Variants in PPP1R3F observed in about 807,000 individuals in gnomAD.
PPP1R3F encodes the protein protein phosphatase 1, regulatory (inhibitor) subunit 3F.
A neutral mutation model predicts 24.2 loss-of-function variants in PPP1R3F; 29 were observed. That is an observed-to-expected ratio of 1.20 (90% CI 0.89 to 1.63). PPP1R3F has a LOEUF of 1.63. PPP1R3F is among the 40% of genes most tolerant of loss of function. The pLI, the probability that PPP1R3F is intolerant of heterozygous loss-of-function variation, is 0.00. For synonymous variants in PPP1R3F, 363 were observed against 340.1 expected (o/e 1.07, Z -0.74); for missense variants, 823 against 729.3 (o/e 1.13, Z -1.48).
intron 3 of PPP1R3F, among the ~76,000 whole-genome samples, chrX:49,283,157 G>A (rs2066260457): frequency 9.0e-6 from 1 of 111,026 alleles, no homozygotes; most frequent in African/African-American, 3.3e-5. Context: ...TCTGTACCCC[G>A]TCTCCTCCCT....
At chrX:49,285,396 A>G (rs1313901857) in intron 3 of PPP1R3F, among the ~76,000 whole-genome samples, 1 of 110,904 alleles carries the variant, frequency 9.0e-6, no homozygotes, top group Admixed American at 9.6e-5. Context: ...GGGTTTCACC[A>G]TGTTGGCCAG....
In PPP1R3F at chrX:49,286,230, G is replaced by A; in HGVS notation, c.1540G>A (p.Gly514Ser). Residue 514 changes from glycine (G) to serine (S), a missense_variant, in exon 4 of 4, where the codon GGC becomes AGC. Transcript: ENST00000055335. ...AAGGAGGGGE[G>S]STDGGMSPSH... ...GGGTGGGGCAGGGGGTGGTGGGGAG[G>A]GCTCCACAGATGGAGGGATGTCCCC... is the stretch of plus-strand genomic sequence containing the variant. The A allele has an allele frequency of 8.3e-7, 1 of 1,209,578 alleles. No individual in the cohort carries two copies. The highest frequency in any genetic ancestry group is 1.1e-6 in the Non-Finnish European group (1 of 894,726).
intron 3 of PPP1R3F, among the ~76,000 whole-genome samples, chrX:49,284,836 G>A (rs1454413336): frequency 9.0e-6 from 1 of 111,425 alleles, no homozygotes; most frequent in Admixed American, 9.5e-5. Flanking sequence ...TCTTTAAGGA[G>A]CACTGATTCC....
intron 1 of PPP1R3F, among the ~76,000 whole-genome samples, chrX:49,277,592 G>A (rs180928731): frequency 8.9e-6 from 1 of 112,360 alleles, no homozygotes; most frequent in East Asian, 2.8e-4. Flanking sequence ...CTCTGTTACC[G>A]ATCAGTGAGT....
At position 49,270,314 on chromosome X, in the gene PPP1R3F, C is replaced by T; in HGVS notation, c.445C>T (p.Pro149Ser). The T allele has an allele frequency of 1.8e-6, 2 of 1,126,248 alleles. No homozygotes were observed. The highest frequency in any genetic ancestry group is 2.3e-6 in the Non-Finnish European group (2 of 859,345). 92.8% of individuals were successfully genotyped at this position (1,126,248 alleles called of 1,213,427 possible). A position where few individuals can be genotyped will look rare whatever the true frequency, so the allele number is the denominator to read the frequency against. Reference protein sequence around the residue: ...EALLPPPGAVPGGAGVWVPGG... With the variant: ...EALLPPPGAVSGGAGVWVPGG... ...GCTGCTGCCGCCTCCCGGAGCGGTC[C>T]CCGGGGGTGCCGGGGTGTGGGTGCC... The change falls in exon 1 of 4, where the codon CCC becomes TCC. Residue 149 changes from proline to serine, a missense_variant. Transcript: ENST00000055335.
chrX:49,277,280 G>T (rs1466306154), intron 1 of PPP1R3F, among the ~76,000 whole-genome samples: 1 of 112,660 alleles, frequency 8.9e-6, no homozygotes, highest in Non-Finnish European at 1.9e-5. Context: ...GGCAGCCATT[G>T]TGTTTCCTGA....
At chrX:49,271,828 G>GT (rs1415422336) in intron 1 of PPP1R3F, among the ~76,000 whole-genome samples, 1 of 112,654 alleles carries the variant, frequency 8.9e-6, no homozygotes, top group African/African-American at 3.2e-5. Flanking sequence ...TTTGTCCCTT[G>GT]TTTTTTTGCC....
Position 49,270,584 on chromosome X carries a change from C to G in PPP1R3F, c.715C>G (p.Arg239Gly). 4 of 1,202,616 alleles carry G rather than the reference C, an allele frequency of 3.3e-6. No homozygotes were observed. Among genetic ancestry groups the G allele is most frequent in the Non-Finnish European group, 4.5e-6 (4 of 893,814 alleles). The change falls in exon 1 of 4, where the codon CGC becomes GGC. Residue 239 changes from arginine (R) to glycine (G), a missense_variant. Physicochemically the swap from Arg to Gly is moderately radical, Grantham distance 125 (BLOSUM62 -2). Coordinates refer to ENST00000055335, the MANE Select transcript of PPP1R3F (RefSeq NM_033215.5). ...ASASSPDDGG[R>G]TDRFAFQLPF... ...CGCCTCCTCGCCCGACGACGGCGGCCGCACCGACCGCTTTGCCTTCCAGCT... is the reference window on the plus strand; with the variant it reads ...CGCCTCCTCGCCCGACGACGGCGGCGGCACCGACCGCTTTGCCTTCCAGCT...
At chrX:49,292,209 G>C (rs1465515574), downstream of PPP1R3F, among the ~76,000 whole-genome samples, 1 of 111,643 alleles carries the variant, frequency 9.0e-6, no homozygotes, top group Admixed American at 9.5e-5. Flanking sequence ...TCTGCATGTG[G>C]ACAGGTGGGG....
rs2066251833 is a variant in PPP1R3F, at chrX:49,281,996, T to A, written c.1076T>A (p.Val359Asp). 1.7e-6 allele frequency: 2 copies of A among 1,205,752 alleles called. No individual in the cohort carries two copies. The highest frequency in any genetic ancestry group is 3.5e-5 in the African/African-American group (2 of 57,159). Residue 359 changes from valine to aspartate, a missense_variant, in exon 3 of 4, where the codon GTC becomes GAC. Transcript: ENST00000055335. ...TTCCCTCTAGCAGAGCATCCTGATG[T>A]CCAGGAGTCAGTGGGTCCACTGGTA... ...NTFAMAEHPD[V>D]QESVGPLVAP...
intron 1 of PPP1R3F, among the ~76,000 whole-genome samples, chrX:49,271,664 C>T: frequency 8.9e-6 from 1 of 112,992 alleles, no homozygotes; most frequent in Middle Eastern, 4.6e-3. Flanking sequence ...TCTTCCAGTT[C>T]ACCCATGCCT....
At chrX:49,291,339 T>C (rs868929315), downstream of PPP1R3F, among the ~76,000 whole-genome samples, 36 of 104,769 alleles carry the variant, frequency 3.4e-4, no homozygotes, top group Non-Finnish European at 4.5e-4. Flanking sequence ...TCTCTCTCCT[T>C]TCTTTCTTGA....
chrX:49,287,213 T>G lies in PPP1R3F; in HGVS notation c.*123T>G. On this transcript the variant is annotated 3_prime_UTR_variant, in exon 4 of 4. Transcript: ENST00000055335. ...GAGAGGCCTTCTCATCCCCAAGCTC[T>G]CCAGTCAACACAGGGCTCCCTGTGG... 1.4e-6 allele frequency: 1 copy of G among 701,783 alleles called. No homozygotes were observed. Among genetic ancestry groups the G allele is most frequent in the Non-Finnish European group, 2.1e-6 (1 of 480,217 alleles). The allele number at this position is 701,783 out of a possible 1,213,427, so 57.8% of individuals were successfully genotyped here.
intron 1 of PPP1R3F, among the ~76,000 whole-genome samples, chrX:49,272,460 G>A (rs1447472509): frequency 2.7e-5 from 3 of 112,348 alleles, no homozygotes; most frequent in African/African-American, 6.5e-5. Context: ...CTACTTTACG[G>A]GATAAGAGTA....
Position 49,270,568 on chromosome X carries a change from G to T in PPP1R3F, c.699G>T (p.Ser233=), listed in dbSNP as rs1043421547. The change falls in exon 1 of 4, where the codon TCG becomes TCT. Residue 233 remains serine (S), a synonymous_variant. Coordinates refer to ENST00000055335, the MANE Select transcript of PPP1R3F (RefSeq NM_033215.5). ...GLGPGQASAS[S]PDDGGRTDRF... ...GTCCCGGCCAGGCATCCGCCTCCTC[G>T]CCCGACGACGGCGGCCGCACCGACC... 8.3e-7 allele frequency: 1 copy of T among 1,201,792 alleles called. No homozygotes were observed. Among genetic ancestry groups the T allele is most frequent in the Non-Finnish European group, 1.1e-6 (1 of 893,415 alleles).
At chrX:49,281,232 A>G (rs2066246738) in intron 1 of PPP1R3F, 174 bp from the exon 2 acceptor site, 1 of 327,439 alleles carries the variant, frequency 3.1e-6, no homozygotes, top group Non-Finnish European at 5.3e-6. Context: ...CGAATTTTCT[A>G]TAATGAGGCT....
At chrX:49,282,443 CTGTGTGTGTGTGTG>C (rs545507997) in intron 3 of PPP1R3F, among the ~76,000 whole-genome samples, 76 of 73,947 alleles carry the variant, frequency 1.0e-3, no homozygotes, top group South Asian at 1.8e-3. Flanking sequence ...GTGAGAGACT[CTGTGTGTGTGTGTG>C]TGTGTGTGTG....
rs1557118688 is a variant in PPP1R3F, at chrX:49,270,194, G to C, written c.325G>C (p.Ala109Pro). ...GCCCTCACCGCTGTGCCCCGTCCCC[G>C]CTGGCGGGGGGTTTTACCTGGTCCC... ...PEPSPLCPVP[A>P]GGGFYLVPTF... The change falls in exon 1 of 4, where the codon GCT becomes CCT. Residue 109 changes from alanine (A) to proline (P), a missense_variant. Transcript: ENST00000055335. 3.3e-5 allele frequency: 36 copies of C among 1,092,746 alleles called. No homozygotes were observed. The highest frequency in any genetic ancestry group is 3.9e-5 in the Non-Finnish European group (33 of 845,230). 90.1% of individuals were successfully genotyped at this position (1,092,746 alleles called of 1,213,427 possible).
In PPP1R3F at chrX:49,286,128, G is replaced by T. The variant is rs782335133; in HGVS notation, c.1438G>T (p.Gly480Cys). 2 of 1,175,780 alleles carry T rather than the reference G, an allele frequency of 1.7e-6. No homozygotes were observed. The highest frequency in any genetic ancestry group is 1.7e-5 in the African/African-American group (1 of 57,454). ...EAVSGSEELL[G>C]EDTIDQELEQ... is the part of the protein sequence containing the mutation. ...TGTGAGTGGGTCAGAGGAGCTGCTC[G>T]GTGAGGACACCATCGACCAGGAGCT... The change falls in exon 4 of 4, where the codon GGT becomes TGT. Residue 480 changes from glycine to cysteine, a missense_variant. Gly to Cys is a radical substitution (Grantham distance 159). Transcript: ENST00000055335.
Sources: allele counts gnomAD v4.1 joint callset (sites outside exome capture counted in the v4.1 genomes callset), GRCh38; gene constraint gnomAD v4.1.1; transcripts MANE v1.5; gene names NCBI Gene and HGNC (gene_info 2026-07-23, HGNC 2026-07-21).